Variants in CAMK2D observed in about 807,000 individuals in gnomAD.
CAMK2D encodes calcium/calmodulin-dependent protein kinase type II subunit delta.
A neutral mutation model predicts 84.0 loss-of-function variants in CAMK2D; 37 were observed. The ratio of observed to expected loss-of-function variants is 0.44; its 90% CI spans 0.34 to 0.58. The LOEUF (loss-of-function observed/expected upper bound fraction) is 0.58, where lower values mean the gene tolerates loss of function less well. Ranked by LOEUF, CAMK2D falls within the 20% of genes least tolerant of loss-of-function variation. The pLI, the probability that CAMK2D is intolerant of heterozygous loss-of-function variation, is 0.02. For missense variants in CAMK2D, 448 were observed against 652.5 expected (o/e 0.69, Z 3.41); for synonymous variants, 202 against 212.5 (o/e 0.95, Z 0.43).
intron 4 of CAMK2D, among the ~76,000 whole-genome samples, chr4:113,589,728 C>A (rs764798326): frequency 2.0e-5 from 3 of 152,154 alleles, no homozygotes; most frequent in South Asian, 2.1e-4. Context: ...CAACAGAATG[C>A]GCAAGTCTGG....
chr4:113,613,080 C>A (rs2099007133), intron 3 of CAMK2D, among the ~76,000 whole-genome samples: 1 of 152,056 alleles, frequency 6.6e-6, no homozygotes, highest in African/African-American at 2.4e-5. Context: ...CTATTTAATT[C>A]CTCATTTCAC....
At chr4:113,749,263 C>T (rs2099611615) in intron 2 of CAMK2D, among the ~76,000 whole-genome samples, 1 of 144,124 alleles carries the variant, frequency 6.9e-6, no homozygotes. Context: ...GAACCCCGCC[C>T]CCCCCACCCA....
chr4:113,744,654 ATCACAAAAT>A (rs1281952127), intron 2 of CAMK2D, among the ~76,000 whole-genome samples: 1 of 152,182 alleles, frequency 6.6e-6, no homozygotes, highest in Non-Finnish European at 1.5e-5. Context: ...GTGCAAATGA[ATCACAAAAT>A]TGATTATCAT....
chr4:113,740,928 C>G (rs1455812348), intron 2 of CAMK2D, among the ~76,000 whole-genome samples: 2 of 152,094 alleles, frequency 1.3e-5, no homozygotes, highest in East Asian at 3.8e-4. Context: ...CTGAAATAAA[C>G]AATTAATAAA....
At chr4:113,718,819 T>C (rs2099521670) in intron 2 of CAMK2D, among the ~76,000 whole-genome samples, 1 of 152,250 alleles carries the variant, frequency 6.6e-6, no homozygotes, top group African/African-American at 2.4e-5. Context: ...TTCTCAGCTA[T>C]AATTTTTGCA....
At chr4:113,640,830 CTT>C (rs2099129882) in intron 3 of CAMK2D, among the ~76,000 whole-genome samples, 1 of 152,156 alleles carries the variant, frequency 6.6e-6, no homozygotes, top group African/African-American at 2.4e-5. Flanking sequence ...CTGTTGACAA[CTT>C]TTATAAGGTA....
At position 113,480,116 on chromosome 4, in the gene CAMK2D, C is replaced by T. The variant is rs57793324; in HGVS notation, c.1136-14512G>A. Among the ~76,000 whole-genome samples the T allele has an allele frequency of 7.3e-3, 1,105 of 152,182 alleles. 15 individuals are homozygous for T. The highest frequency in any genetic ancestry group is 0.025 in the African/African-American group (1,050 of 41,520). On this transcript the variant is annotated intron_variant, in intron 16 of 20. Coordinates refer to ENST00000511664, the MANE Select transcript of CAMK2D (RefSeq NM_001321571.2). ...AGCTGGGACTACAGGTGCATGCCGC[C>T]ACACCGGCTAATTTCTTTTGTATTT...
chr4:113,688,910 C>CAAAAAAAAAAAAAAAAAAAAAAAAGAAA (rs34196728), intron 2 of CAMK2D, among the ~76,000 whole-genome samples: 4 of 49,718 alleles, frequency 8.0e-5, no homozygotes, highest in Admixed American at 2.8e-4. Context: ...AAAGAAGATG[C>CAAAAAAAAAAAAAAAAAAAAAAAAGAAA]AAAAAAAAAA....
chr4:113,697,688 A>T (rs77981907), intron 2 of CAMK2D, among the ~76,000 whole-genome samples: 4 of 152,062 alleles, frequency 2.6e-5, no homozygotes, highest in Admixed American at 6.6e-5. Flanking sequence ...ATGAGAAATG[A>T]CTCATATAAT....
chr4:113,715,110 T>C (rs2099509549), intron 2 of CAMK2D, among the ~76,000 whole-genome samples: 1 of 152,112 alleles, frequency 6.6e-6, no homozygotes, highest in Non-Finnish European at 1.5e-5. Flanking sequence ...CATTCTTTTA[T>C]GTAATTTCTA....
chr4:113,571,864 A>C (rs2098755192), intron 4 of CAMK2D, among the ~76,000 whole-genome samples: 1 of 152,296 alleles, frequency 6.6e-6, no homozygotes, highest in Non-Finnish European at 1.5e-5. Context: ...GAGTTTCATA[A>C]ATTTAATTAA....
chr4:113,550,329 C>T lies in CAMK2D; in HGVS notation c.341+1702G>A, dbSNP rs114221358. ...CTGGGACTACAGGTGCATGCTGCCA[C>T]ACCTGGCTAAGTTTTGTATTTTCAG... is the stretch of plus-strand genomic sequence containing the variant. On this transcript the variant is annotated intron_variant, in intron 5 of 20. Transcript: ENST00000511664. Among the ~76,000 whole-genome samples, 444 of 152,258 alleles carry T rather than the reference C, an allele frequency of 2.9e-3. 2 individuals are homozygous for T. The highest frequency in any genetic ancestry group is 0.01 in the African/African-American group (432 of 41,562).
At chr4:113,645,867 T>C (rs2099149791) in intron 3 of CAMK2D, among the ~76,000 whole-genome samples, 1 of 152,160 alleles carries the variant, frequency 6.6e-6, no homozygotes, top group South Asian at 2.1e-4. Context: ...ACAAAGATGA[T>C]TCAAATGCTG....
At chr4:113,470,883 T>A (rs942695560) in intron 16 of CAMK2D, among the ~76,000 whole-genome samples, 2 of 152,220 alleles carry the variant, frequency 1.3e-5, no homozygotes, top group South Asian at 2.1e-4. Context: ...TAATAAGTAT[T>A]TGAATGAATA....
At chr4:113,631,604 C>T (rs1347016915) in intron 3 of CAMK2D, among the ~76,000 whole-genome samples, 1 of 152,238 alleles carries the variant, frequency 6.6e-6, no homozygotes, top group East Asian at 1.9e-4. Context: ...AAGTCATACG[C>T]CTCAGAAGGA....
intron 2 of CAMK2D, among the ~76,000 whole-genome samples, chr4:113,758,418 A>G (rs1458216115): frequency 6.6e-6 from 1 of 152,196 alleles, no homozygotes; most frequent in Non-Finnish European, 1.5e-5. Flanking sequence ...ACTTTTGAAA[A>G]GACATATTAA....
intron 4 of CAMK2D, among the ~76,000 whole-genome samples, chr4:113,604,608 C>T (rs2098969638): frequency 6.6e-6 from 1 of 152,172 alleles, no homozygotes; most frequent in Non-Finnish European, 1.5e-5. Flanking sequence ...CAGCATATTT[C>T]AAATTACTAT....
At chr4:113,697,092 G>T (rs942761628) in intron 2 of CAMK2D, among the ~76,000 whole-genome samples, 6 of 152,060 alleles carry the variant, frequency 3.9e-5, no homozygotes, top group African/African-American at 1.4e-4. Flanking sequence ...GAGGTCAGTC[G>T]TACTGGAAGA....
intron 2 of CAMK2D, among the ~76,000 whole-genome samples, chr4:113,691,690 T>C (rs1481645827): frequency 6.6e-6 from 1 of 152,016 alleles, no homozygotes; most frequent in Non-Finnish European, 1.5e-5. Context: ...GAGGCAGAAG[T>C]TGCAGTGAGC....
Sources: allele counts gnomAD v4.1 joint callset (sites outside exome capture counted in the v4.1 genomes callset), GRCh38; gene constraint gnomAD v4.1.1; transcripts MANE v1.5; gene names NCBI Gene and HGNC (gene_info 2026-07-23, HGNC 2026-07-21).